GABRA2: variants seen among roughly 807,000 people sequenced by gnomAD.
The protein encoded by GABRA2 is gamma-aminobutyric acid type A receptor subunit alpha2.
A neutral mutation model predicts 48.7 loss-of-function variants in GABRA2; 16 were observed. That is an observed-to-expected ratio of 0.33 (90% CI 0.22 to 0.50). GABRA2 has a LOEUF of 0.50. GABRA2 is among the 20% of genes least tolerant of loss of function. The pLI, the probability that GABRA2 is intolerant of heterozygous loss-of-function variation, is 0.98. For missense variants in GABRA2, 275 were observed against 535.6 expected (o/e 0.51, Z 4.80); for synonymous variants, 185 against 184.5 (o/e 1.00, Z -0.02).
rs535352605 is a variant in GABRA2, at chr4:46,273,162, C to T, written c.857-11034G>A. Among the ~76,000 whole-genome samples the T allele has an allele frequency of 1.2e-4, 18 of 151,606 alleles. No individual in the cohort carries two copies. The South Asian group carries it at 3.8e-3, about 32-fold the overall frequency. ...TTAAGGTAGTATTGTTTTTCCTTCCCTAGTTGTTTTTAAGATTGTCTCTGT... is the reference window on the plus strand; with the variant it reads ...TTAAGGTAGTATTGTTTTTCCTTCCTTAGTTGTTTTTAAGATTGTCTCTGT... On this transcript the variant is annotated intron_variant, in intron 8 of 9. Transcript: ENST00000381620.
At position 46,245,606 on chromosome 4, in the gene GABRA2, G is replaced by A. The variant is rs1431638343; in HGVS notation, c.*4702C>T. ...CTAGTTTAATAAGAGCTGAATTTGT[G>A]ATAAGATCCATTAATAAAACAAATT... On this transcript the variant is annotated 3_prime_UTR_variant, in exon 10 of 10. Transcript: ENST00000381620. Among the ~76,000 whole-genome samples the A allele has an allele frequency of 1.3e-5, 2 of 151,252 alleles. No homozygotes were observed. The highest frequency in any genetic ancestry group is 3.0e-5 in the Non-Finnish European group (2 of 67,470).
intron 4 of GABRA2, among the ~76,000 whole-genome samples, chr4:46,325,593 G>A (rs970415586): frequency 5.9e-5 from 9 of 151,914 alleles, no homozygotes; most frequent in South Asian, 2.1e-4. Flanking sequence ...GGTCCCTGTC[G>A]TCTATTTTTG....
chr4:46,329,116 C>T (rs1328521928), intron 4 of GABRA2, among the ~76,000 whole-genome samples: 1 of 152,092 alleles, frequency 6.6e-6, no homozygotes, highest in Admixed American at 6.6e-5. Context: ...AGTGATCAAA[C>T]TATCTCCTGG....
In GABRA2 at chr4:46,390,116, G is replaced by C. The variant is rs1437089493; in HGVS notation, c.-392C>G. The C allele has an allele frequency of 1.0e-6, 1 of 970,732 alleles. No homozygotes were observed. Among genetic ancestry groups the C allele is most frequent in the Non-Finnish European group, 1.2e-6 (1 of 817,008 alleles). The allele number at this position is 970,732 out of a possible 1,614,324, so 60.1% of individuals were successfully genotyped here. On this transcript the variant is annotated 5_prime_UTR_variant, in exon 1 of 10. Coordinates refer to ENST00000381620, the MANE Select transcript of GABRA2 (RefSeq NM_000807.4). ...GGTGCGCGCCGGCGGTGGCGGGCAC[G>C]AGCCCCGCGCCTGGAGGAGGAGGAG...
intron 3 of GABRA2, among the ~76,000 whole-genome samples, chr4:46,360,875 T>C (rs920178349): frequency 6.6e-6 from 1 of 152,180 alleles, no homozygotes; most frequent in African/African-American, 2.4e-5. Flanking sequence ...ATGACTCTTG[T>C]TATATTTTAG....
intron 8 of GABRA2, among the ~76,000 whole-genome samples, chr4:46,267,400 T>C (rs1342780493): frequency 1.3e-5 from 2 of 152,112 alleles, no homozygotes; most frequent in Non-Finnish European, 2.9e-5. Flanking sequence ...CTTTAGCTCT[T>C]TTATCATAGT....
intron 3 of GABRA2, among the ~76,000 whole-genome samples, chr4:46,351,878 T>C (rs1283676076): frequency 6.6e-6 from 1 of 152,048 alleles, no homozygotes; most frequent in Non-Finnish European, 1.5e-5. Context: ...ATCGTTTTTT[T>C]CCTACCCTAA....
At chr4:46,364,645 A>T (rs565828745) in intron 3 of GABRA2, 5 of 152,324 alleles carry the variant, frequency 3.3e-5, no homozygotes, top group African/African-American at 1.2e-4. Context: ...GTCAAGTCTC[A>T]TCTCCTAGAG....
chr4:46,335,122 A>T (rs1731993745), intron 3 of GABRA2, among the ~76,000 whole-genome samples: 1 of 152,176 alleles, frequency 6.6e-6, no homozygotes, highest in African/African-American at 2.4e-5. Flanking sequence ...TTGGCTTTCT[A>T]TAAGACAAGG....
At chr4:46,274,637 A>G (rs1020161004) in intron 8 of GABRA2, among the ~76,000 whole-genome samples, 6 of 152,074 alleles carry the variant, frequency 3.9e-5, no homozygotes, top group African/African-American at 1.4e-4. Context: ...GGGTTGTTGG[A>G]AGGAAAACCT....
intron 8 of GABRA2, among the ~76,000 whole-genome samples, chr4:46,290,222 C>A (rs1723372237): frequency 6.6e-6 from 1 of 151,660 alleles, no homozygotes; most frequent in East Asian, 1.9e-4. Context: ...CCAGTTTTGT[C>A]TTAAATTTTC....
chr4:46,257,334 A>G (rs1716040361), intron 9 of GABRA2, among the ~76,000 whole-genome samples: 1 of 151,684 alleles, frequency 6.6e-6, no homozygotes, highest in Non-Finnish European at 1.5e-5. Context: ...TTATTGCAAG[A>G]GGGGTCAGCA....
intron 2 of GABRA2, among the ~76,000 whole-genome samples, chr4:46,387,720 C>T (rs575836476): frequency 1.1e-4 from 16 of 152,118 alleles, no homozygotes; most frequent in Non-Finnish European, 1.5e-4. Context: ...AGATAGATGG[C>T]GTCTCAATTC....
chr4:46,369,620 T>C (rs1203436763), intron 3 of GABRA2, among the ~76,000 whole-genome samples: 3 of 152,092 alleles, frequency 2.0e-5, no homozygotes, highest in African/African-American at 7.2e-5. Flanking sequence ...AATCCATGTA[T>C]CAAAGGGCAC....
intron 5 of GABRA2, 76 bp from the exon 6 acceptor site, chr4:46,310,331 G>A: frequency 2.0e-6 from 2 of 982,612 alleles, no homozygotes; most frequent in African/African-American, 1.6e-5. Flanking sequence ...ACTCTCAACA[G>A]ACTCGATAGA....
chr4:46,347,498 CAG>C (rs1734343956), intron 3 of GABRA2, among the ~76,000 whole-genome samples: 1 of 151,856 alleles, frequency 6.6e-6, no homozygotes, highest in Non-Finnish European at 1.5e-5. Context: ...GGGGAAAGGA[CAG>C]ACTCCTCCAT....
chr4:46,335,157 G>A (rs1221852059), intron 3 of GABRA2, among the ~76,000 whole-genome samples: 1 of 152,086 alleles, frequency 6.6e-6, no homozygotes, highest in Non-Finnish European at 1.5e-5. Flanking sequence ...AAAGAAAAAG[G>A]GAAAAGAAAG....
intron 3 of GABRA2, among the ~76,000 whole-genome samples, chr4:46,359,415 A>C (rs935119773): frequency 6.6e-6 from 1 of 152,146 alleles, no homozygotes; most frequent in African/African-American, 2.4e-5. Context: ...TCAAGAAAAG[A>C]TACTATCAGC....
chr4:46,348,112 A>G (rs1734462208), intron 3 of GABRA2, among the ~76,000 whole-genome samples: 1 of 152,148 alleles, frequency 6.6e-6, no homozygotes, highest in South Asian at 2.1e-4. Flanking sequence ...AAAATGGGTG[A>G]AGGATATCAA....
Sources: gnomAD v4.1 joint callset for allele counts (sites outside exome capture counted in the v4.1 genomes callset) on GRCh38, gnomAD v4.1.1 for gene constraint, MANE v1.5 for transcripts, NCBI Gene and HGNC (gene_info 2026-07-23, HGNC 2026-07-21) for gene names.